Variants in VPS26A observed in about 807,000 individuals in gnomAD.
VPS26A encodes the protein vacuolar protein sorting-associated protein 26A.
VPS26A carries 22 observed loss-of-function variants against 42.4 expected under a neutral mutation model. The observed-to-expected ratio is 0.52, with a 90% confidence interval of 0.37 to 0.74. The LOEUF (loss-of-function observed/expected upper bound fraction) is 0.74. Among genes scored for constraint, VPS26A ranks in the 30% least tolerant of loss-of-function variants. The pLI is 0.00. For synonymous variants in VPS26A, 110 were observed against 123.5 expected, an observed-to-expected ratio of 0.89 and a Z score of 0.73; for missense variants, 276 against 379.2, an observed-to-expected ratio of 0.73 and a Z score of 2.26.
At chr10:69,170,257 C>T (rs1841786472) in intron 8 of VPS26A, 1 of 152,078 alleles carries the variant, frequency 6.6e-6, no homozygotes, top group Non-Finnish European at 1.5e-5. Flanking sequence ...AAACCTATTC[C>T]AGTATTGCCA....
chr10:69,139,189 A>G (rs1011876237), intron 2 of VPS26A, among the ~76,000 whole-genome samples: 5 of 152,236 alleles, frequency 3.3e-5, no homozygotes, highest in Admixed American at 6.5e-5. Context: ...CATGGGAACA[A>G]TAAGGCCTAA....
chr10:69,150,258 G>A (rs1261339302), intron 2 of VPS26A, among the ~76,000 whole-genome samples: 1 of 151,286 alleles, frequency 6.6e-6, no homozygotes, highest in African/African-American at 2.4e-5. Flanking sequence ...GTTTCACCAT[G>A]TTGGTCAGGC....
At position 69,149,745 on chromosome 10, in the gene VPS26A, T is replaced by G. The variant is rs928483037; in HGVS notation, c.154-6067T>G. Among the ~76,000 whole-genome samples the G allele has an allele frequency of 7.4e-4, 33 of 44,394 alleles. 2 individuals are homozygous for G. The highest frequency in any genetic ancestry group is 2.5e-3 in the South Asian group (3 of 1,208). 29.1% of individuals were successfully genotyped at this position (44,394 alleles called of 152,430 possible). On this transcript the variant is annotated intron_variant, in intron 2 of 8. Coordinates refer to ENST00000263559, the MANE Select transcript of VPS26A (RefSeq NM_004896.5). ...TCTTGGTGTTTTTTGTTTTTTTTTT[T>G]TTTTTTTTTTTTTTTTTTTGAGATG...
intron 6 of VPS26A, among the ~76,000 whole-genome samples, chr10:69,163,178 T>G (rs1305176209): frequency 2.0e-5 from 3 of 152,226 alleles, no homozygotes; most frequent in African/African-American, 7.2e-5. Context: ...GTGGACATAC[T>G]GGTTGTTTCC....
intron 2 of VPS26A, 111 bp downstream of exon 2, chr10:69,133,158 T>C: frequency 8.7e-7 from 1 of 1,148,800 alleles, no homozygotes; most frequent in Non-Finnish European, 1.2e-6. Flanking sequence ...AGAGAGATTT[T>C]TTTTTCCCTA....
intron 2 of VPS26A, among the ~76,000 whole-genome samples, chr10:69,142,364 A>AT (rs58499005): frequency 3.4e-5 from 5 of 148,242 alleles, no homozygotes; most frequent in Admixed American, 1.4e-4. Context: ...AATTAAAAAA[A>AT]TTTTTTTTTT....
intron 2 of VPS26A, among the ~76,000 whole-genome samples, chr10:69,144,586 T>C (rs1404559298): frequency 6.6e-6 from 1 of 152,230 alleles, no homozygotes; most frequent in East Asian, 1.9e-4. Context: ...TTAAGGTTTC[T>C]CCATATATCT....
At chr10:69,130,102 CTA>C (rs375674488) in intron 1 of VPS26A, among the ~76,000 whole-genome samples, 20 of 152,124 alleles carry the variant, frequency 1.3e-4, no homozygotes, top group African/African-American at 4.8e-4. Flanking sequence ...ATATTATTGA[CTA>C]TTCCAGATTT....
intron 1 of VPS26A, among the ~76,000 whole-genome samples, chr10:69,125,365 A>G (rs902868260): frequency 1.3e-5 from 2 of 152,194 alleles, no homozygotes; most frequent in African/African-American, 4.8e-5. Context: ...AGGTGTGCCT[A>G]GGGGACCCCA....
At chr10:69,126,872 TTA>T (rs1392376581) in intron 1 of VPS26A, among the ~76,000 whole-genome samples, 11 of 37,562 alleles carry the variant, frequency 2.9e-4, no homozygotes, top group Non-Finnish European at 1.4e-3. Flanking sequence ...TTTTCCTCAG[TTA>T]TTTTTTTCTT....
chr10:69,153,667 C>T (rs1004938766), intron 2 of VPS26A, among the ~76,000 whole-genome samples: 1 of 152,076 alleles, frequency 6.6e-6, no homozygotes, highest in African/African-American at 2.4e-5. Context: ...AATTTTATTT[C>T]TAACATACAT....
At position 69,158,218 on chromosome 10, in the gene VPS26A, A is replaced by G; in HGVS notation, c.551+7A>G. The G allele has an allele frequency of 6.4e-7, 1 of 1,570,554 alleles. No individual in the cohort carries two copies. The highest frequency in any genetic ancestry group is 8.6e-7 in the Non-Finnish European group (1 of 1,161,588). On this transcript the variant is annotated splice_region_variant and intron_variant, in intron 5 of 8. Transcript: ENST00000263559. Reference sequence around the variant, plus strand: ...TTGAATATAATAAATCAAAGTAAGTATCATTCACAGATAAGTTGTTCAGAG... The same window carrying G: ...TTGAATATAATAAATCAAAGTAAGTGTCATTCACAGATAAGTTGTTCAGAG...
chr10:69,171,685 T>G lies in VPS26A; in HGVS notation c.*416T>G, dbSNP rs1258379751. The G allele has an allele frequency of 6.5e-6, 1 of 153,834 alleles. No individual in the cohort carries two copies. The highest frequency in any genetic ancestry group is 6.5e-5 in the Admixed American group (1 of 15,288). 9.5% of individuals were successfully genotyped at this position (153,834 alleles called of 1,614,324 possible). A position where few individuals can be genotyped will look rare whatever the true frequency, so the allele number is the denominator to read the frequency against. The stretch of plus-strand genomic sequence containing the variant: ...CTCTTATTCTCTACATGCAAAAAAT[T>G]AAATATTTTGTGTTCAAATAAAATT... On this transcript the variant is annotated 3_prime_UTR_variant, in exon 9 of 9. Coordinates refer to ENST00000263559, the MANE Select transcript of VPS26A (RefSeq NM_004896.5).
chr10:69,133,622 C>G, intron 2 of VPS26A: 2 of 1,287,822 alleles, frequency 1.6e-6, no homozygotes, highest in Non-Finnish European at 2.0e-6. Context: ...CACTTTTTTC[C>G]CCTTTTCTTT....
intron 5 of VPS26A, 112 bp downstream of exon 5, chr10:69,158,323 A>T: frequency 1.1e-6 from 1 of 901,894 alleles, no homozygotes; most frequent in Non-Finnish European, 1.6e-6. Context: ...GATGTTAACA[A>T]ATCAACAGGA....
chr10:69,163,025 A>C (rs1490429820), intron 6 of VPS26A, among the ~76,000 whole-genome samples: 1 of 152,240 alleles, frequency 6.6e-6, no homozygotes, highest in Non-Finnish European at 1.5e-5. Context: ...CTTTTTACTT[A>C]AATGGTGGTG....
intron 1 of VPS26A, among the ~76,000 whole-genome samples, chr10:69,132,441 T>C (rs2132188276): frequency 6.6e-6 from 1 of 151,506 alleles, no homozygotes; most frequent in South Asian, 2.1e-4. Context: ...GTTTTTTTTT[T>C]TTTCTTTCTT....
chr10:69,149,727 GTTTTTTGTTTTTTTTTTTTTTTTTTTTT>G (rs1841251562), intron 2 of VPS26A, among the ~76,000 whole-genome samples: 3 of 93,952 alleles, frequency 3.2e-5, no homozygotes, highest in African/African-American at 9.7e-5. Flanking sequence ...CTTTCTTGGT[GTTTTTTGTTTTTTTTTTTTTTTTTTTTT>G]TTTTTTTTTG....
chr10:69,153,669 A>G (rs999395902), intron 2 of VPS26A, among the ~76,000 whole-genome samples: 2 of 152,114 alleles, frequency 1.3e-5, no homozygotes, highest in African/African-American at 2.4e-5. Context: ...TTTTATTTCT[A>G]ACATACATAG....
Sources: allele counts gnomAD v4.1 joint callset (sites outside exome capture counted in the v4.1 genomes callset), GRCh38; gene constraint gnomAD v4.1.1; transcripts MANE v1.5; gene names NCBI Gene and HGNC (gene_info 2026-07-23, HGNC 2026-07-21).